Variants in GXYLT2 observed in about 807,000 individuals in gnomAD.
GXYLT2 encodes glycosyltransferase 8 domain containing 4.
In GXYLT2, 53 loss-of-function variants were observed where a neutral mutation model predicts 45.8. The observed-to-expected ratio is 1.16, with a 90% CI of 0.93 to 1.46. The LOEUF (loss-of-function observed/expected upper bound fraction) is 1.46. Among genes scored for constraint, GXYLT2 ranks in the 40% most tolerant of loss-of-function variants. GXYLT2 has a pLI of 0.00. For synonymous variants in GXYLT2, 219 were observed against 214.2 expected, an observed-to-expected ratio of 1.02 and a Z score of -0.19; for missense variants, 551 against 544.4, an observed-to-expected ratio of 1.01 and a Z score of -0.12.
chr3:72,957,497 C>G (rs1710671708), intron 5 of GXYLT2, 145 bp downstream of exon 5: 4 of 783,898 alleles, frequency 5.1e-6, no homozygotes, highest in Non-Finnish European at 7.8e-6. Context: ...GCCCTTTCAT[C>G]CGCCCCCCTG....
Position 72,955,038 on chromosome 3 carries a change from CT to C in GXYLT2, c.601-59del, listed in dbSNP as rs1710607970. The C allele has an allele frequency of 7.0e-6, 11 of 1,564,800 alleles. No homozygotes were observed. In the East Asian group the frequency reaches 2.3e-4, roughly 32 times the overall value. ...TCAGGCTACTTCCTTTGTTTCTGAC[CT>C]GTTTTTGTTTTGTTTTCTTCCCTCC... On this transcript the variant is annotated intron_variant, in intron 3 of 6. Transcript: ENST00000389617.
intron 5 of GXYLT2, among the ~76,000 whole-genome samples, chr3:72,959,419 A>C (rs142797133): frequency 0.014 from 2,044 of 150,084 alleles, 19 homozygotes; most frequent in South Asian, 0.036. Context: ...TACCCAGCCA[A>C]ATTTTTTTAA....
intron 2 of GXYLT2, among the ~76,000 whole-genome samples, chr3:72,913,455 G>T (rs2107088017): frequency 6.6e-6 from 1 of 152,002 alleles, no homozygotes; most frequent in East Asian, 2.0e-4. Flanking sequence ...AGCACTTTGG[G>T]AGGCCAAGGC....
chr3:72,947,461 T>C (rs35624926), intron 3 of GXYLT2, among the ~76,000 whole-genome samples: 66,309 of 151,990 alleles, frequency 0.44, 16,709 homozygotes, highest in Non-Finnish European at 0.57. Context: ...AGTGTGTATA[T>C]CCTATGGAGC....
chr3:72,889,448 T>C (rs1709136167), intron 1 of GXYLT2, among the ~76,000 whole-genome samples: 1 of 152,222 alleles, frequency 6.6e-6, no homozygotes, highest in African/African-American at 2.4e-5. Flanking sequence ...TTGGTGCCTT[T>C]ACTGTAACTA....
chr3:72,902,918 C>A (rs1339840920), intron 1 of GXYLT2, among the ~76,000 whole-genome samples: 1 of 152,168 alleles, frequency 6.6e-6, no homozygotes, highest in Non-Finnish European at 1.5e-5. Flanking sequence ...GAGGCTGAGG[C>A]AGGAGAATCG....
intron 2 of GXYLT2, among the ~76,000 whole-genome samples, chr3:72,910,675 A>G (rs1420749694): frequency 6.6e-6 from 1 of 152,202 alleles, no homozygotes; most frequent in East Asian, 1.9e-4. Flanking sequence ...TACACTTGCC[A>G]GAGCATTTGA....
chr3:72,889,911 T>TG (rs1709150118), intron 1 of GXYLT2, among the ~76,000 whole-genome samples: 1 of 149,596 alleles, frequency 6.7e-6, no homozygotes, highest in African/African-American at 2.5e-5. Flanking sequence ...TTTTTTGTTT[T>TG]TTTTTTTTTT....
chr3:72,961,468 A>G (rs2069166), intron 5 of GXYLT2, among the ~76,000 whole-genome samples: 2,198 of 152,110 alleles, frequency 0.014, 54 homozygotes, highest in African/African-American at 0.051. Flanking sequence ...TAGTTTCTTC[A>G]TCTCTCAGAG....
In GXYLT2 at chr3:72,888,072, C is replaced by G. The variant is rs1008733191; in HGVS notation, c.-162C>G. On this transcript the variant is annotated 5_prime_UTR_variant, in exon 1 of 7. Transcript: ENST00000389617. ...TCTCCTCTCTCTCCTCCTCCTTCGC[C>G]GTCGCCGCCGCCGCCGGCCGCCCGC... 1.3e-5 allele frequency: 3 copies of G among 239,082 alleles called. No homozygotes were observed. Among genetic ancestry groups the G allele is most frequent in the Non-Finnish European group, 2.0e-5 (3 of 149,794 alleles). The allele number at this position is 239,082 out of a possible 1,614,324, so 14.8% of individuals were successfully genotyped here.
intron 5 of GXYLT2, 138 bp from the exon 6 acceptor site, chr3:72,967,409 C>G: frequency 1.7e-6 from 1 of 590,504 alleles, no homozygotes; most frequent in African/African-American, 1.9e-5. Context: ...AAAATTTGAT[C>G]TATGAGTAAA....
chr3:72,913,380 G>C (rs1709672978), intron 2 of GXYLT2, among the ~76,000 whole-genome samples: 1 of 151,218 alleles, frequency 6.6e-6, no homozygotes, highest in Non-Finnish European at 1.5e-5. Flanking sequence ...TCTAATGAAG[G>C]AAATTATGAC....
At chr3:72,916,524 G>A (rs1709746527) in intron 2 of GXYLT2, among the ~76,000 whole-genome samples, 2 of 151,562 alleles carry the variant, frequency 1.3e-5, no homozygotes. Flanking sequence ...CCTGACTGAT[G>A]CAACTGAGTT....
At chr3:72,941,314 G>T (rs910214046) in intron 3 of GXYLT2, among the ~76,000 whole-genome samples, 1 of 152,096 alleles carries the variant, frequency 6.6e-6, no homozygotes, top group African/African-American at 2.4e-5. Context: ...ATGGATTCTG[G>T]CCCAGAATCC....
At chr3:72,966,963 C>T (rs1326912819) in intron 5 of GXYLT2, among the ~76,000 whole-genome samples, 1 of 151,976 alleles carries the variant, frequency 6.6e-6, no homozygotes, top group Non-Finnish European at 1.5e-5. Context: ...AGACAGGGGT[C>T]TTGCTATGTT....
intron 1 of GXYLT2, among the ~76,000 whole-genome samples, chr3:72,896,960 G>C (rs1354805987): frequency 1.3e-5 from 2 of 152,074 alleles, no homozygotes; most frequent in African/African-American, 2.4e-5. Context: ...GCCTGGTTTT[G>C]GCATGGATAT....
At chr3:72,967,861 G>C in intron 6 of GXYLT2, 142 bp downstream of exon 6, 1 of 656,670 alleles carries the variant, frequency 1.5e-6, no homozygotes. Context: ...GTCACGCTCT[G>C]TCACTATATC....
At chr3:72,911,637 A>G (rs747178270) in intron 2 of GXYLT2, among the ~76,000 whole-genome samples, 3 of 152,062 alleles carry the variant, frequency 2.0e-5, no homozygotes, top group Admixed American at 1.3e-4. Context: ...TGGATGGAAG[A>G]TCCTCCAACC....
At chr3:72,926,650 G>C (rs1456561890) in intron 3 of GXYLT2, among the ~76,000 whole-genome samples, 1 of 152,064 alleles carries the variant, frequency 6.6e-6, no homozygotes, top group Non-Finnish European at 1.5e-5. Context: ...TAATAGATCT[G>C]TACATTTTGC....
Sources: gnomAD v4.1 joint callset for allele counts (sites outside exome capture counted in the v4.1 genomes callset) on GRCh38, gnomAD v4.1.1 for gene constraint, MANE v1.5 for transcripts, NCBI Gene and HGNC (gene_info 2026-07-23, HGNC 2026-07-21) for gene names.